FGF12: variants seen among roughly 807,000 people sequenced by gnomAD.
FGF12 encodes the protein fibroblast growth factor 12.
FGF12 carries 14 observed loss-of-function variants against 23.6 expected under a neutral mutation model. The ratio of observed to expected loss-of-function variants is 0.59; its 90% CI spans 0.39 to 0.93. FGF12 has a LOEUF of 0.93. Ranked by LOEUF, FGF12 falls within the 40% of genes least tolerant of loss-of-function variation. The pLI is 0.00. For missense variants in FGF12, 175 were observed against 217.8 expected, an observed-to-expected ratio of 0.80 and a Z score of 1.24; for synonymous variants, 62 against 77.3, an observed-to-expected ratio of 0.80 and a Z score of 1.04.
chr3:192,386,993 A>C (rs929781514), intron 2 of FGF12, among the ~76,000 whole-genome samples: 2 of 152,246 alleles, frequency 1.3e-5, no homozygotes, highest in Non-Finnish European at 2.9e-5. Context: ...GAATATGAAT[A>C]TCTCTATACA....
intron 3 of FGF12, among the ~76,000 whole-genome samples, chr3:192,356,593 T>C (rs1339266764): frequency 6.6e-6 from 1 of 152,224 alleles, no homozygotes; most frequent in African/African-American, 2.4e-5. Flanking sequence ...ACAAATCCAT[T>C]TGTGTTTTGT....
chr3:192,353,371 T>C (rs918317807), intron 3 of FGF12, among the ~76,000 whole-genome samples: 1 of 144,030 alleles, frequency 6.9e-6, no homozygotes, highest in Non-Finnish European at 1.5e-5. Flanking sequence ...GAAGTCTTTT[T>C]TTTTTTTTTT....
chr3:192,191,925 T>C (rs1716815701), intron 4 of FGF12, among the ~76,000 whole-genome samples: 1 of 152,144 alleles, frequency 6.6e-6, no homozygotes, highest in Non-Finnish European at 1.5e-5. Flanking sequence ...GGGGAAAGGT[T>C]CCCCAGAAAA....
intron 2 of FGF12, among the ~76,000 whole-genome samples, chr3:192,556,792 A>T (rs985419924): frequency 6.6e-6 from 1 of 152,136 alleles, no homozygotes; most frequent in African/African-American, 2.4e-5. Context: ...AAATTTAAGG[A>T]TATTATTTCC....
intron 4 of FGF12, among the ~76,000 whole-genome samples, chr3:192,276,609 C>T (rs1713805897): frequency 6.6e-6 from 1 of 152,138 alleles, no homozygotes; most frequent in Non-Finnish European, 1.5e-5. Flanking sequence ...TGTCCTCCTG[C>T]CTCTCAGTTC....
intron 4 of FGF12, among the ~76,000 whole-genome samples, chr3:192,296,229 T>A (rs370262693): frequency 0.064 from 8,954 of 139,792 alleles, 330 homozygotes; most frequent in South Asian, 0.09. Context: ...TTTTATTTTA[T>A]TTTTTTTTTT....
At chr3:192,563,440 G>C (rs547648104) in intron 2 of FGF12, among the ~76,000 whole-genome samples, 1 of 152,238 alleles carries the variant, frequency 6.6e-6, no homozygotes, top group East Asian at 1.9e-4. Flanking sequence ...CCTCCTCCTA[G>C]TTTGTTACCA....
intron 4 of FGF12, among the ~76,000 whole-genome samples, chr3:192,232,248 C>T (rs1719059411): frequency 6.6e-6 from 1 of 152,096 alleles, no homozygotes; most frequent in Non-Finnish European, 1.5e-5. Context: ...TCTGTATCAA[C>T]AGGTCATTTT....
chr3:192,517,962 G>C (rs1724720448), intron 2 of FGF12, among the ~76,000 whole-genome samples: 1 of 151,738 alleles, frequency 6.6e-6, no homozygotes, highest in Admixed American at 6.6e-5. Flanking sequence ...TCCCAAAAAA[G>C]ACAAAACAAA....
At chr3:192,626,903 G>A (rs1386474967) in intron 2 of FGF12, among the ~76,000 whole-genome samples, 3 of 152,042 alleles carry the variant, frequency 2.0e-5, no homozygotes, top group Non-Finnish European at 2.9e-5. Context: ...CACTATGCCT[G>A]GCCTATACTA....
intron 5 of FGF12, among the ~76,000 whole-genome samples, chr3:192,167,015 A>C (rs545994610): frequency 6.6e-6 from 1 of 152,084 alleles, no homozygotes; most frequent in East Asian, 1.9e-4. Flanking sequence ...AAACACGATA[A>C]TCTACCAAAA....
chr3:192,359,731 G>T (rs4686606), intron 3 of FGF12, among the ~76,000 whole-genome samples: 97,699 of 151,838 alleles, frequency 0.64, 34,400 homozygotes, highest in East Asian at 0.93. Context: ...TAAAGTTAGA[G>T]CACTTAAAAA....
At chr3:192,662,676 G>T (rs575048614) in intron 2 of FGF12, among the ~76,000 whole-genome samples, 5 of 152,278 alleles carry the variant, frequency 3.3e-5, no homozygotes, top group Non-Finnish European at 7.4e-5. Flanking sequence ...GCTTTAAACA[G>T]CTTCTTCTCC....
At chr3:192,705,604 T>G (rs1206621471) in intron 2 of FGF12, among the ~76,000 whole-genome samples, 1 of 152,208 alleles carries the variant, frequency 6.6e-6, no homozygotes, top group African/African-American at 2.4e-5. Context: ...ACAATTACAA[T>G]AATAGCATCA....
Position 192,409,068 on chromosome 3 carries a change from G to C in FGF12, c.14-48530C>G, listed in dbSNP as rs1024688174. ...CAGCACTGCAAAGAGAGCGGGAGGCGAGGGAGGGGGGAGGGCGCGAGGGAG... is the reference window on the plus strand; with the variant it reads ...CAGCACTGCAAAGAGAGCGGGAGGCCAGGGAGGGGGGAGGGCGCGAGGGAG... On this transcript the variant is annotated intron_variant, in intron 2 of 5. Coordinates refer to ENST00000445105, the MANE Select transcript of FGF12 (RefSeq NM_004113.6). The surrounding 1 kb of genome is among the most constrained non-coding windows in gnomAD (Gnocchi z 4.8). 1.1e-6 allele frequency: 1 copy of C among 918,842 alleles called. No homozygotes were observed. The highest frequency in any genetic ancestry group is 1.8e-5 in the African/African-American group (1 of 55,354). The allele number at this position is 918,842 out of a possible 1,614,324, so 56.9% of individuals were successfully genotyped here.
intron 4 of FGF12, among the ~76,000 whole-genome samples, chr3:192,253,507 A>AG (rs1258033216): frequency 6.6e-6 from 1 of 152,132 alleles, no homozygotes; most frequent in Non-Finnish European, 1.5e-5. Flanking sequence ...GCTTTAGTTA[A>AG]CAGTAAGAAA....
At chr3:192,473,417 T>C (rs1345007577) in intron 2 of FGF12, among the ~76,000 whole-genome samples, 3 of 152,176 alleles carry the variant, frequency 2.0e-5, no homozygotes, top group Non-Finnish European at 4.4e-5. Flanking sequence ...ATAGTGGTCA[T>C]TAAAGGCTGT....
chr3:192,262,934 A>G (rs144416318), intron 4 of FGF12, among the ~76,000 whole-genome samples: 2 of 152,094 alleles, frequency 1.3e-5, no homozygotes, highest in Non-Finnish European at 2.9e-5. Flanking sequence ...TCAGATTTCA[A>G]TAATTTCTAA....
At chr3:192,301,283 C>T (rs960888195) in intron 4 of FGF12, among the ~76,000 whole-genome samples, 1 of 152,098 alleles carries the variant, frequency 6.6e-6, no homozygotes, top group Non-Finnish European at 1.5e-5. Context: ...GGGAGAAAAC[C>T]GAATACTCTC....
Sources: allele counts gnomAD v4.1 joint callset (sites outside exome capture counted in the v4.1 genomes callset), GRCh38; gene constraint gnomAD v4.1.1; non-coding constraint Gnocchi (gnomAD v3.1); transcripts MANE v1.5; gene names NCBI Gene and HGNC (gene_info 2026-07-23, HGNC 2026-07-21).